HEG1: variants seen among roughly 807,000 people sequenced by gnomAD.
The protein encoded by HEG1 is protein HEG homolog 1.
Under a neutral mutation model 125.6 loss-of-function variants are expected in HEG1, and 56 were observed. The observed-to-expected ratio is 0.45, with a 90% confidence interval of 0.36 to 0.56. The LOEUF is 0.56. Among genes scored for constraint, HEG1 ranks in the 20% least tolerant of loss-of-function variants. The pLI is 0.00. For missense variants in HEG1, 1,523 were observed against 1,670.0 expected (o/e 0.91, Z 1.53); for synonymous variants, 644 against 668.5 (o/e 0.96, Z 0.57).
intron 16 of HEG1, among the ~76,000 whole-genome samples, chr3:124,973,078 G>C (rs1050741595): frequency 6.6e-6 from 1 of 151,784 alleles, no homozygotes; most frequent in African/African-American, 2.4e-5. Flanking sequence ...CTGGAGTACA[G>C]TGGTGCAATC....
chr3:125,016,541 G>A (rs1453554922), intron 5 of HEG1, among the ~76,000 whole-genome samples: 1 of 152,182 alleles, frequency 6.6e-6, no homozygotes, highest in African/African-American at 2.4e-5. Flanking sequence ...CCACAGTAGT[G>A]AGGGTGAAAA....
intron 1 of HEG1, among the ~76,000 whole-genome samples, chr3:125,031,488 G>A (rs994810104): frequency 3.9e-5 from 6 of 152,098 alleles, no homozygotes; most frequent in Admixed American, 1.3e-4. Context: ...TTCCCCACTT[G>A]GAAATGTTAT....
intron 15 of HEG1, among the ~76,000 whole-genome samples, chr3:124,977,028 ATGGT>A (rs1202574642): frequency 6.6e-6 from 1 of 152,044 alleles, no homozygotes; most frequent in African/African-American, 2.4e-5. Flanking sequence ...CTGGTGGGAG[ATGGT>A]TGAATCATGG....
chr3:125,047,882 C>CT (rs139783759), intron 1 of HEG1, among the ~76,000 whole-genome samples: 4,788 of 152,314 alleles, frequency 0.031, 106 homozygotes, highest in Admixed American at 0.046. Flanking sequence ...AGAGCTTCAC[C>CT]TTGGCCTCTG....
intron 12 of HEG1, among the ~76,000 whole-genome samples, chr3:124,994,507 C>CTTT (rs547731140): frequency 7.0e-6 from 1 of 143,850 alleles, no homozygotes. Flanking sequence ...ATGGTGGCAT[C>CTTT]TTTTTTTTTT....
chr3:125,040,069 C>T (rs1008562268), intron 1 of HEG1, among the ~76,000 whole-genome samples: 23 of 151,988 alleles, frequency 1.5e-4, no homozygotes, highest in Non-Finnish European at 3.1e-4. Context: ...TTACGCATAA[C>T]GAAAAGAATA....
intron 5 of HEG1, chr3:125,014,796 G>C: frequency 7.8e-7 from 1 of 1,289,866 alleles, no homozygotes; most frequent in South Asian, 1.2e-5. Context: ...GGCACCCTCT[G>C]TTTCTTGGTG....
intron 5 of HEG1, among the ~76,000 whole-genome samples, chr3:125,014,491 A>G (rs1560025980): frequency 6.6e-6 from 1 of 151,964 alleles, no homozygotes; most frequent in African/African-American, 2.4e-5. Context: ...CCCAGCAAAC[A>G]CTATCCCAAA....
intron 11 of HEG1, among the ~76,000 whole-genome samples, chr3:125,000,991 G>A (rs1229438605): frequency 6.6e-6 from 1 of 152,204 alleles, no homozygotes; most frequent in Non-Finnish European, 1.5e-5. Context: ...TCCTGGAGGT[G>A]AAACTTCTCC....
rs548286216 is a variant in HEG1 at position 124,983,752 on chromosome 3, C to T, written c.3734-5806G>A. 2.0e-5 allele frequency among the ~76,000 whole-genome samples: 3 copies of T among 152,262 alleles called. No homozygotes were observed. In the Middle Eastern group the frequency reaches 0.01, roughly 518 times the overall value. On this transcript the variant is annotated intron_variant, in intron 14 of 16. Transcript: ENST00000311127. ...AGTCTACAACCAGGGTGTGAACATACCCGGTGCCCACCACTCTCCACTGTG... is the reference window on the plus strand; with the variant it reads ...AGTCTACAACCAGGGTGTGAACATATCCGGTGCCCACCACTCTCCACTGTG...
At chr3:125,041,656 T>C (rs1579437116) in intron 1 of HEG1, among the ~76,000 whole-genome samples, 1 of 152,226 alleles carries the variant, frequency 6.6e-6, no homozygotes, top group Admixed American at 6.5e-5. Context: ...CCCATTTTCA[T>C]AGCAGGATTA....
At chr3:125,035,099 A>G (rs59196335) in intron 1 of HEG1, among the ~76,000 whole-genome samples, 102,070 of 151,928 alleles carry the variant, frequency 0.67, 34,778 homozygotes, top group East Asian at 0.88. Flanking sequence ...TGAGTAGCTG[A>G]GATTACAGGT....
intron 15 of HEG1, among the ~76,000 whole-genome samples, chr3:124,974,750 T>G (rs1463248054): frequency 6.6e-6 from 1 of 152,202 alleles, no homozygotes; most frequent in Admixed American, 6.5e-5. Flanking sequence ...CTACCTCACT[T>G]AAAGTACAAA....
At chr3:124,975,221 A>G (rs3796207) in intron 15 of HEG1, among the ~76,000 whole-genome samples, 53,698 of 152,082 alleles carry the variant, frequency 0.35, 10,378 homozygotes, top group African/African-American at 0.51. Context: ...AAGACAGAGG[A>G]TATCTTAAAA....
intron 12 of HEG1, among the ~76,000 whole-genome samples, 161 bp from the exon 13 acceptor site, chr3:124,991,147 ACT>A (rs1936827471): frequency 8.3e-6 from 1 of 120,010 alleles, no homozygotes; most frequent in Non-Finnish European, 1.7e-5. Flanking sequence ...TGCCGGCACA[ACT>A]CTTTTTTTTT....
intron 1 of HEG1, among the ~76,000 whole-genome samples, chr3:125,050,275 C>G (rs1937775196): frequency 6.6e-6 from 1 of 152,050 alleles, no homozygotes; most frequent in East Asian, 1.9e-4. Flanking sequence ...TCCTGAGTAG[C>G]TGGGATTACA....
At chr3:125,032,962 G>A (rs185563904) in intron 1 of HEG1, among the ~76,000 whole-genome samples, 164 of 152,184 alleles carry the variant, frequency 1.1e-3, no homozygotes, top group African/African-American at 3.1e-3. Context: ...TGCAGTCTCC[G>A]AGGGGAAAAG....
At chr3:125,033,356 C>T (rs1457662298) in intron 1 of HEG1, among the ~76,000 whole-genome samples, 1 of 152,028 alleles carries the variant, frequency 6.6e-6, no homozygotes, top group Admixed American at 6.6e-5. Context: ...ATGGGAGCCA[C>T]GATTCTCAAG....
At chr3:124,974,884 G>A (rs911858846) in intron 15 of HEG1, among the ~76,000 whole-genome samples, 1 of 152,166 alleles carries the variant, frequency 6.6e-6, no homozygotes, top group African/African-American at 2.4e-5. Context: ...CTTCCTGGTG[G>A]GTGGGGTACC....
Sources: gnomAD v4.1 joint callset for allele counts (sites outside exome capture counted in the v4.1 genomes callset) on GRCh38, gnomAD v4.1.1 for gene constraint, MANE v1.5 for transcripts, NCBI Gene and HGNC (gene_info 2026-07-23, HGNC 2026-07-21) for gene names.